Variants in GLIS3 observed in about 807,000 individuals in gnomAD.
GLIS3 encodes GLIS family zinc finger 3, also known as zinc finger protein GLIS3.
GLIS3 carries 53 observed loss-of-function variants against 78.6 expected under a neutral mutation model. The observed-to-expected ratio is 0.67, with a 90% CI of 0.54 to 0.85. GLIS3 has a LOEUF of 0.85. Ranked by LOEUF, GLIS3 falls within the 40% of genes least tolerant of loss-of-function variation. The probability of loss-of-function intolerance (pLI) is 0.00; values close to 1 mark genes in which losing one functional copy is unlikely to be tolerated. For missense variants in GLIS3, 1,703 were observed against 1,231.1 expected (o/e 1.38, Z -5.74); for synonymous variants, 684 against 509.9 (o/e 1.34, Z -4.60).
chr9:4,096,711 T>A (rs1052911899), intron 4 of GLIS3, among the ~76,000 whole-genome samples: 1 of 152,052 alleles, frequency 6.6e-6, no homozygotes, highest in African/African-American at 2.4e-5. Flanking sequence ...GGAGAACAGC[T>A]TATAAACTAA....
At chr9:4,314,240 G>C (rs1016565288) in intron 2 of GLIS3, among the ~76,000 whole-genome samples, 3 of 152,192 alleles carry the variant, frequency 2.0e-5, no homozygotes, top group Admixed American at 1.3e-4. Context: ...ATGTGAGCTG[G>C]TGTTGTTTTT....
At chr9:4,484,305 A>G in the GLIS3 span, among the ~76,000 whole-genome samples, 3 of 148,458 alleles carry the variant, frequency 2.0e-5, no homozygotes, top group Admixed American at 6.8e-5. Flanking sequence ...TGGCATGGTC[A>G]AGACTCACTG....
At chr9:4,258,695 G>C (rs1338060174) in intron 2 of GLIS3, among the ~76,000 whole-genome samples, 1 of 152,138 alleles carries the variant, frequency 6.6e-6, no homozygotes, top group Non-Finnish European at 1.5e-5. Context: ...AGTTTTGAGT[G>C]GCAGAACTGG....
chr9:4,453,358 A>AAAAAAAG, the GLIS3 span, among the ~76,000 whole-genome samples: 3 of 149,042 alleles, frequency 2.0e-5, no homozygotes, highest in African/African-American at 7.5e-5. Context: ...AAAAAAAAAA[A>AAAAAAAG]AAAAAAGAAA....
chr9:4,160,206 C>A (rs1205958738), intron 2 of GLIS3, among the ~76,000 whole-genome samples: 1 of 152,170 alleles, frequency 6.6e-6, no homozygotes, highest in Non-Finnish European at 1.5e-5. Flanking sequence ...AGGTGAGAGA[C>A]AATTTTTAAA....
intron 1 of GLIS3, among the ~76,000 whole-genome samples, chr9:4,290,488 T>C (rs554909053): frequency 1.3e-5 from 2 of 152,166 alleles, no homozygotes. Flanking sequence ...GCTATTCCCA[T>C]GGGCTTCTCT....
chr9:4,280,040 G>A (rs972106840), intron 2 of GLIS3, among the ~76,000 whole-genome samples: 4 of 152,044 alleles, frequency 2.6e-5, no homozygotes, highest in African/African-American at 9.7e-5. Context: ...TTATGTTTGA[G>A]GCAGGGTCTC....
intron 1 of GLIS3, among the ~76,000 whole-genome samples, chr9:4,287,615 T>G (rs1828113187): frequency 6.6e-6 from 1 of 152,202 alleles, no homozygotes; most frequent in Admixed American, 6.5e-5. Flanking sequence ...AAATAAGGAC[T>G]GAGTACAAAG....
rs144667948 is a variant in GLIS3, at chr9:4,051,781, C to T, written c.1710+65987G>A. On this transcript the variant is annotated intron_variant, in intron 4 of 10. Coordinates refer to ENST00000381971, the MANE Select transcript of GLIS3 (RefSeq NM_001042413.2). Reference sequence around the variant, plus strand: ...CCCATATGTCAGATGGATGACACACCAAACTCCACTAACAAATAGGGCACA... The same window carrying T: ...CCCATATGTCAGATGGATGACACACTAAACTCCACTAACAAATAGGGCACA... Among the ~76,000 whole-genome samples the T allele has an allele frequency of 6.4e-4, 97 of 152,274 alleles. 1 individual carries two copies. Among genetic ancestry groups the T allele is most frequent in the African/African-American group, 2.3e-3 (95 of 41,556 alleles).
chr9:4,064,117 C>G (rs1428158939), intron 4 of GLIS3, among the ~76,000 whole-genome samples: 2 of 151,600 alleles, frequency 1.3e-5, no homozygotes, highest in Non-Finnish European at 2.9e-5. Context: ...ATAGTTTATG[C>G]TAAAGGTATC....
At chr9:4,201,447 C>T (rs1257082036) in intron 2 of GLIS3, among the ~76,000 whole-genome samples, 3 of 152,196 alleles carry the variant, frequency 2.0e-5, no homozygotes, top group Admixed American at 2.0e-4. Flanking sequence ...AAAGACTCCA[C>T]CAAAGGCTCC....
chr9:3,871,323 G>A (rs1820954834), intron 8 of GLIS3, among the ~76,000 whole-genome samples: 1 of 152,274 alleles, frequency 6.6e-6, no homozygotes, highest in South Asian at 2.1e-4. Context: ...TACCATTCTG[G>A]GGTCTGGAGG....
At chr9:4,328,383 T>C (rs1344874952) in intron 2 of GLIS3, among the ~76,000 whole-genome samples, 1 of 152,106 alleles carries the variant, frequency 6.6e-6, no homozygotes. Context: ...GATAGAGGTG[T>C]TCATGGCTCA....
intron 9 of GLIS3, among the ~76,000 whole-genome samples, chr9:3,853,846 A>G (rs1392854328): frequency 6.6e-6 from 1 of 152,224 alleles, no homozygotes; most frequent in Non-Finnish European, 1.5e-5. Flanking sequence ...TCAATTTTCA[A>G]ATTTTTAAAA....
intron 6 of GLIS3, among the ~76,000 whole-genome samples, chr9:3,927,941 C>T (rs1825361843): frequency 6.6e-6 from 1 of 152,180 alleles, no homozygotes; most frequent in African/African-American, 2.4e-5. Flanking sequence ...ACCAAAAACA[C>T]TGGTGTTACA....
the GLIS3 span, among the ~76,000 whole-genome samples, chr9:4,396,821 G>A: frequency 6.6e-6 from 1 of 152,004 alleles, no homozygotes; most frequent in Non-Finnish European, 1.5e-5. Context: ...CCAGTCCATT[G>A]AGTTACGGGC....
intron 3 of GLIS3, chr9:4,123,725 A>G (rs961726282): frequency 5.0e-6 from 2 of 397,346 alleles, no homozygotes; most frequent in African/African-American, 4.1e-5. Flanking sequence ...TGTTTATTGT[A>G]TATGTTTGAC....
intron 4 of GLIS3, among the ~76,000 whole-genome samples, chr9:4,002,752 G>T (rs150133606): frequency 6.6e-6 from 1 of 152,204 alleles, no homozygotes; most frequent in African/African-American, 2.4e-5. Flanking sequence ...GGCATACATG[G>T]ATGTCTGCTG....
At chr9:4,407,602 T>G in the GLIS3 span, among the ~76,000 whole-genome samples, 10 of 152,058 alleles carry the variant, frequency 6.6e-5, no homozygotes, top group Non-Finnish European at 8.8e-5. Flanking sequence ...AGCCGAGATC[T>G]CGCCACCGCA....
Sources: gnomAD v4.1 joint callset for allele counts (sites outside exome capture counted in the v4.1 genomes callset) on GRCh38, gnomAD v4.1.1 for gene constraint, MANE v1.5 for transcripts, NCBI Gene and HGNC (gene_info 2026-07-23, HGNC 2026-07-21) for gene names.